Variants in RAB28 observed in about 807,000 individuals in gnomAD.
RAB28 encodes the protein ras-related protein Rab-28.
In RAB28, 24 loss-of-function variants were observed where a neutral mutation model predicts 31.7. That is an observed-to-expected ratio of 0.76 (90% confidence interval 0.55 to 1.06). The LOEUF (loss-of-function observed/expected upper bound fraction) is 1.06. Ranked by LOEUF, RAB28 falls within the 50% of genes least tolerant of loss-of-function variation. The pLI, the probability that RAB28 is intolerant of heterozygous loss-of-function variation, is 0.00. For synonymous variants in RAB28, 100 were observed against 90.4 expected, an observed-to-expected ratio of 1.11 and a Z score of -0.60; for missense variants, 254 against 258.5, an observed-to-expected ratio of 0.98 and a Z score of 0.12.
intron 4 of RAB28, among the ~76,000 whole-genome samples, chr4:13,422,271 G>T (rs1442245176): frequency 3.3e-5 from 5 of 152,204 alleles, no homozygotes; most frequent in Admixed American, 6.5e-5. Flanking sequence ...AGGACGTGGA[G>T]AAATAGGAAC....
intron 4 of RAB28, among the ~76,000 whole-genome samples, chr4:13,385,285 T>TA (rs1158280819): frequency 1.2e-4 from 18 of 152,270 alleles, no homozygotes; most frequent in African/African-American, 4.3e-4. Context: ...TATTTCAAGA[T>TA]ATCATCCATG....
chr4:13,448,900 TAAAAAA>T (rs1366868295), intron 4 of RAB28, among the ~76,000 whole-genome samples: 4 of 149,936 alleles, frequency 2.7e-5, no homozygotes. Flanking sequence ...GAAAAGAAGT[TAAAAAA>T]AGAAAAAGCA....
intron 4 of RAB28, among the ~76,000 whole-genome samples, chr4:13,460,320 A>G (rs1715527409): frequency 6.6e-6 from 1 of 152,154 alleles, no homozygotes. Flanking sequence ...CTTCTTGCCT[A>G]TCCTCACATG....
At chr4:13,396,513 G>C (rs1013574698) in intron 4 of RAB28, among the ~76,000 whole-genome samples, 32 of 152,104 alleles carry the variant, frequency 2.1e-4, no homozygotes, top group African/African-American at 7.0e-4. Flanking sequence ...GCTAATGCAA[G>C]AAAATAAAAA....
intron 4 of RAB28, among the ~76,000 whole-genome samples, chr4:13,454,443 GGTA>G (rs1171676427): frequency 6.6e-6 from 1 of 152,108 alleles, no homozygotes; most frequent in East Asian, 1.9e-4. Flanking sequence ...CTATGCATCT[GGTA>G]GAAGAGTCAC....
intron 4 of RAB28, among the ~76,000 whole-genome samples, chr4:13,457,622 A>T (rs1715367235): frequency 6.6e-6 from 1 of 152,132 alleles, no homozygotes; most frequent in South Asian, 2.1e-4. Flanking sequence ...AGAAAAAAAA[A>T]AACCTCTTGT....
intron 3 of RAB28, among the ~76,000 whole-genome samples, chr4:13,471,386 T>C (rs1342712605): frequency 6.6e-6 from 1 of 152,120 alleles, no homozygotes; most frequent in East Asian, 1.9e-4. Context: ...CTAGCCTGGA[T>C]ATAGAATTTA....
chr4:13,382,693 ATTTT>A (rs35120402), intron 4 of RAB28, among the ~76,000 whole-genome samples: 1 of 73,908 alleles, frequency 1.4e-5, no homozygotes. Context: ...AAAATATGGA[ATTTT>A]TTTTTTTTTT....
intron 4 of RAB28, among the ~76,000 whole-genome samples, chr4:13,403,222 TG>T (rs1408317722): frequency 6.6e-6 from 1 of 152,222 alleles, no homozygotes; most frequent in Non-Finnish European, 1.5e-5. Flanking sequence ...CATTAAATTT[TG>T]ATATTCATAT....
intron 6 of RAB28, chr4:13,370,095 A>G (rs1001663204): frequency 3.5e-6 from 5 of 1,424,256 alleles, no homozygotes; most frequent in African/African-American, 1.4e-5. Context: ...TTAACATATA[A>G]ATGTAAACAT....
chr4:13,380,568 T>C (rs1302890315), intron 5 of RAB28, among the ~76,000 whole-genome samples: 2 of 152,138 alleles, frequency 1.3e-5, no homozygotes, highest in Non-Finnish European at 2.9e-5. Flanking sequence ...TAGTGAAGTA[T>C]CTTTTTTCTT....
chr4:13,409,717 C>A (rs1206573491), intron 4 of RAB28, among the ~76,000 whole-genome samples: 1 of 152,216 alleles, frequency 6.6e-6, no homozygotes, highest in Non-Finnish European at 1.5e-5. Flanking sequence ...CACTTCACTT[C>A]CTCCTTATAA....
At chr4:13,408,462 CT>C (rs1469172541) in intron 4 of RAB28, among the ~76,000 whole-genome samples, 1 of 152,062 alleles carries the variant, frequency 6.6e-6, no homozygotes, top group Admixed American at 6.6e-5. Flanking sequence ...GGGATATTGG[CT>C]TGAAATTTTC....
chr4:13,381,861 AT>A (rs1299172312), intron 4 of RAB28, among the ~76,000 whole-genome samples: 1 of 151,978 alleles, frequency 6.6e-6, no homozygotes, highest in African/African-American at 2.4e-5. Context: ...TAAAAAAAAA[AT>A]GTGCGCTATC....
intron 1 of RAB28, among the ~76,000 whole-genome samples, chr4:13,483,099 A>G (rs750163733): frequency 6.6e-6 from 1 of 152,186 alleles, no homozygotes; most frequent in Non-Finnish European, 1.5e-5. Context: ...AGCATGGGAA[A>G]GAAGGCATCC....
intron 4 of RAB28, among the ~76,000 whole-genome samples, chr4:13,385,525 A>G (rs1729330380): frequency 6.6e-6 from 1 of 152,158 alleles, no homozygotes; most frequent in Non-Finnish European, 1.5e-5. Context: ...TAAAGGCCAG[A>G]AGGGTTAATA....
chr4:13,418,735 A>C (rs918727408), intron 4 of RAB28, among the ~76,000 whole-genome samples: 1 of 152,228 alleles, frequency 6.6e-6, no homozygotes, highest in Non-Finnish European at 1.5e-5. Context: ...CCTCCCTTAC[A>C]AGAGCTCCTG....
chr4:13,460,636 C>T, intron 4 of RAB28, 63 bp downstream of exon 4: 1 of 1,590,378 alleles, frequency 6.3e-7, no homozygotes, highest in Non-Finnish European at 8.6e-7. Context: ...TGGGGGGACA[C>T]AAACATTCTG....
intron 4 of RAB28, among the ~76,000 whole-genome samples, chr4:13,424,450 C>T (rs987133159): frequency 1.3e-5 from 2 of 152,176 alleles, no homozygotes; most frequent in Non-Finnish European, 2.9e-5. Context: ...TCTCTCTTCT[C>T]GTAAGTCATT....
Sources: allele counts gnomAD v4.1 joint callset (sites outside exome capture counted in the v4.1 genomes callset), GRCh38; gene constraint gnomAD v4.1.1; transcripts MANE v1.5; gene names NCBI Gene and HGNC (gene_info 2026-07-23, HGNC 2026-07-21).